Variants in ZMYND11 observed in about 807,000 individuals in gnomAD.
The protein encoded by ZMYND11 is zinc finger MYND-type containing 11.
Under a neutral mutation model 84.9 loss-of-function variants are expected in ZMYND11, and 9 were observed. That is an observed-to-expected ratio of 0.11 (90% confidence interval 0.06 to 0.18). ZMYND11 has a LOEUF of 0.18. Among genes scored for constraint, ZMYND11 ranks in the 10% least tolerant of loss-of-function variants. The probability of loss-of-function intolerance (pLI) is 1.00; values close to 1 mark genes in which losing one functional copy is unlikely to be tolerated. For synonymous variants in ZMYND11, 250 were observed against 244.1 expected, an observed-to-expected ratio of 1.02 and a Z score of -0.23; for missense variants, 409 against 761.0, an observed-to-expected ratio of 0.54 and a Z score of 5.44.
chr10:253,530 TA>T lies in ZMYND11; in HGVS notation c.*1065del, dbSNP rs928634189. 6.6e-6 allele frequency: 1 copy of T among 152,660 alleles called. No homozygotes were observed. The highest frequency in any genetic ancestry group is 1.9e-4 in the East Asian group (1 of 5,206). 9.5% of individuals were successfully genotyped at this position (152,660 alleles called of 1,614,324 possible). A position where few individuals can be genotyped will look rare whatever the true frequency, so the allele number is the denominator to read the frequency against. ...CTTGTATTAAAGATGCCGTGATTTG[TA>T]AAAAGTCTGTATTTTGCGGAATGTC... is the stretch of plus-strand genomic sequence containing the variant. On this transcript the variant is annotated 3_prime_UTR_variant, in exon 15 of 15. Coordinates refer to ENST00000381604, the MANE Select transcript of ZMYND11 (RefSeq NM_001370100.5).
intron 9 of ZMYND11, among the ~76,000 whole-genome samples, chr10:241,426 C>T (rs1950893485): frequency 6.6e-6 from 1 of 152,200 alleles, no homozygotes; most frequent in Admixed American, 6.5e-5. Context: ...AGTCCTCCCG[C>T]CTCGGCCTTC....
At chr10:163,345 T>C (rs909752586) in intron 1 of ZMYND11, among the ~76,000 whole-genome samples, 1 of 152,170 alleles carries the variant, frequency 6.6e-6, no homozygotes, top group Non-Finnish European at 1.5e-5. Context: ...TATTTGCAAA[T>C]GGCTATTTTT....
At chr10:186,601 G>A (rs570960329) in intron 2 of ZMYND11, among the ~76,000 whole-genome samples, 4 of 144,008 alleles carry the variant, frequency 2.8e-5, no homozygotes, top group African/African-American at 1.0e-4. Flanking sequence ...AGCTGAGATC[G>A]GGCCACTGCA....
chr10:241,277 A>G (rs1243554309), intron 9 of ZMYND11, among the ~76,000 whole-genome samples: 1 of 152,246 alleles, frequency 6.6e-6, no homozygotes, highest in South Asian at 2.1e-4. Flanking sequence ...CTCCAGGCTC[A>G]AGTGATTCTC....
chr10:251,071 G>A (rs983914608), intron 14 of ZMYND11, among the ~76,000 whole-genome samples: 5 of 152,208 alleles, frequency 3.3e-5, no homozygotes, highest in Non-Finnish European at 7.3e-5. Flanking sequence ...ATTGTTGTAA[G>A]AAATAGAGTA....
chr10:160,058 C>T (rs540847275), intron 1 of ZMYND11, among the ~76,000 whole-genome samples: 1 of 152,292 alleles, frequency 6.6e-6, no homozygotes, highest in South Asian at 2.1e-4. Context: ...TTAACTGTTT[C>T]CTTATTTTAG....
At chr10:207,315 TTA>T (rs1440196821) in intron 2 of ZMYND11, among the ~76,000 whole-genome samples, 1 of 152,226 alleles carries the variant, frequency 6.6e-6, no homozygotes, top group Non-Finnish European at 1.5e-5. Flanking sequence ...GCATGTGTCT[TTA>T]TAGCAGCATG....
chr10:154,973 C>T (rs1289841302), intron 1 of ZMYND11: 3 of 152,014 alleles, frequency 2.0e-5, no homozygotes, highest in Non-Finnish European at 2.9e-5. Flanking sequence ...ATCTTTTTTT[C>T]CATGTAATTT....
At chr10:178,914 A>G (rs1228158345) in intron 1 of ZMYND11, among the ~76,000 whole-genome samples, 5 of 152,202 alleles carry the variant, frequency 3.3e-5, no homozygotes, top group South Asian at 2.1e-4. Context: ...ACACAGAGGT[A>G]GAGAAAAAGG....
chr10:160,262 G>A (rs781977926), intron 1 of ZMYND11, among the ~76,000 whole-genome samples: 2 of 152,196 alleles, frequency 1.3e-5, no homozygotes, highest in East Asian at 3.8e-4. Context: ...CTTTACCATA[G>A]TCTGTTAAGT....
At chr10:194,743 A>G (rs1266242101) in intron 2 of ZMYND11, among the ~76,000 whole-genome samples, 1 of 151,954 alleles carries the variant, frequency 6.6e-6, no homozygotes, top group Non-Finnish European at 1.5e-5. Flanking sequence ...CCATTTTTTT[A>G]TGGAGTTAGT....
intron 2 of ZMYND11, among the ~76,000 whole-genome samples, chr10:187,197 G>A (rs1213260853): frequency 6.6e-6 from 1 of 152,030 alleles, no homozygotes; most frequent in Admixed American, 6.6e-5. Flanking sequence ...CTGCACTCCA[G>A]CCTGGGAGAC....
chr10:152,598 C>T (rs566065230), intron 1 of ZMYND11, among the ~76,000 whole-genome samples: 29 of 152,250 alleles, frequency 1.9e-4, no homozygotes, highest in Non-Finnish European at 2.6e-4. Context: ...CTTACACTCC[C>T]GCACAATAAT....
chr10:235,360 T>A (rs1398242169), intron 4 of ZMYND11, among the ~76,000 whole-genome samples: 3 of 152,114 alleles, frequency 2.0e-5, no homozygotes, highest in African/African-American at 7.2e-5. Context: ...TAAGTTCTTC[T>A]GTTAGTTTTC....
intron 1 of ZMYND11, among the ~76,000 whole-genome samples, chr10:169,293 G>A (rs1564306904): frequency 6.6e-6 from 1 of 151,990 alleles, no homozygotes; most frequent in Admixed American, 6.6e-5. Context: ...TCTAATCATA[G>A]GACTAAGACG....
In ZMYND11 at chr10:186,750, C is replaced by T. The variant is rs140747462; in HGVS notation, c.116+6622C>T. 3.2e-4 allele frequency among the ~76,000 whole-genome samples: 48 copies of T among 147,892 alleles called. 3 individuals carry two copies. In the East Asian group the frequency reaches 9.5e-3, roughly 29 times the overall value. ...TCAGATCCTCATAATTAATTGAATT[C>T]TTAGGGACTAATAATTCTCATCTCT... On this transcript the variant is annotated intron_variant, in intron 2 of 14. Coordinates refer to ENST00000381604, the MANE Select transcript of ZMYND11 (RefSeq NM_001370100.5).
At chr10:223,032 CTTTT>C (rs11362687) in intron 4 of ZMYND11, among the ~76,000 whole-genome samples, 1 of 144,134 alleles carries the variant, frequency 6.9e-6, no homozygotes, top group African/African-American at 2.5e-5. Context: ...TTCCTTTACT[CTTTT>C]TTTTTTTTTC....
At chr10:180,485 C>T (rs986227304) in intron 2 of ZMYND11, among the ~76,000 whole-genome samples, 4 of 152,270 alleles carry the variant, frequency 2.6e-5, no homozygotes, top group Admixed American at 6.5e-5. Flanking sequence ...TGGCAACCTC[C>T]GCTTCCCGGG....
rs780911550 is a variant in ZMYND11 at position 242,133 on chromosome 10, A to ACCAGAGGTAATTTGTGAT, written c.947_950+14dup. 2 of 1,614,102 alleles carry ACCAGAGGTAATTTGTGAT rather than the reference A, an allele frequency of 1.2e-6. No individual in the cohort carries two copies. The highest frequency in any genetic ancestry group is 1.7e-5 in the Admixed American group (1 of 60,014). On this transcript the variant is annotated stop_gained and inframe_insertion, in exon 10 of 15. Coordinates refer to ENST00000381604, the MANE Select transcript of ZMYND11 (RefSeq NM_001370100.5). LOFTEE classifies it high-confidence loss of function. ...GACGTTCGCTTCTTTGGCCACCACC[A>ACCAGAGGTAATTTGTGAT]CCAGAGGTAATTTGTGATCCCATGT... is the stretch of plus-strand genomic sequence containing the variant.
Sources: allele counts gnomAD v4.1 joint callset (sites outside exome capture counted in the v4.1 genomes callset), GRCh38; gene constraint gnomAD v4.1.1; transcripts MANE v1.5; gene names NCBI Gene and HGNC (gene_info 2026-07-23, HGNC 2026-07-21).